The following HIVEP2 variants were observed in gnomAD, a reference collection of about 807,000 sequenced individuals.
HIVEP2 encodes HIVEP zinc finger 2.
HIVEP2 carries 14 observed loss-of-function variants against 180.7 expected under a neutral mutation model. The observed-to-expected ratio is 0.08, with a 90% CI of 0.05 to 0.12. The LOEUF (loss-of-function observed/expected upper bound fraction) is 0.12. Ranked by LOEUF, HIVEP2 falls within the 10% of genes least tolerant of loss-of-function variation. The pLI is 1.00. For missense variants in HIVEP2, 2,579 were observed against 3,008.5 expected (o/e 0.86, Z 3.34); for synonymous variants, 1,184 against 1,136.4 (o/e 1.04, Z -0.84).
chr6:142,773,692 C>T lies in HIVEP2; in HGVS notation c.1047G>A (p.Met349Ile), dbSNP rs1425291390. The T allele has an allele frequency of 6.2e-7, 1 of 1,613,998 alleles. No homozygotes were observed. Among genetic ancestry groups the T allele is most frequent in the Non-Finnish European group, 8.5e-7 (1 of 1,180,024 alleles). Residue 349 changes from methionine to isoleucine, a missense_variant, in exon 5 of 10, where the codon ATG becomes ATA. Physicochemically the swap from Met to Ile is conservative, Grantham distance 10. This residue lies in a region of HIVEP2 where 142 missense variants were observed against 135.2 expected (regional missense o/e 1.05). Transcript: ENST00000367603. ...NESSQYIGPD[M>I]LPNPSLNTKA... The stretch of plus-strand genomic sequence containing the variant: ...TAGTATTTAAAGATGGATTTGGTAG[C>T]ATATCAGGGCCAATATACTGAGAGC...
At chr6:142,825,830 ATTAAT>A (rs1465493509) in intron 2 of HIVEP2, among the ~76,000 whole-genome samples, 1 of 152,220 alleles carries the variant, frequency 6.6e-6, no homozygotes, top group Non-Finnish European at 1.5e-5. Context: ...AATTTAATTA[ATTAAT>A]TTAAGGTGCC....
At position 142,817,463 on chromosome 6, in the gene HIVEP2, A is replaced by G. The variant is rs1776873430; in HGVS notation, c.-528+19472T>C. 2.0e-5 allele frequency among the ~76,000 whole-genome samples: 3 copies of G among 152,368 alleles called. No homozygotes were observed. The South Asian group carries it at 6.2e-4, about 32-fold the overall frequency. On this transcript the variant is annotated intron_variant, in intron 2 of 9. Coordinates refer to ENST00000367603, the MANE Select transcript of HIVEP2 (RefSeq NM_006734.4). ...TTATTTCATTTCAAATAAGCATTGG[A>G]CTATTATTACTAATTTAATAAGCAG...
chr6:142,883,584 A>T (rs1469758810), intron 1 of HIVEP2, among the ~76,000 whole-genome samples: 1 of 152,186 alleles, frequency 6.6e-6, no homozygotes, highest in African/African-American at 2.4e-5. Context: ...GAAGAATTTT[A>T]TAGCTTCTAA....
rs752868494 is a variant in HIVEP2, at chr6:142,774,681, C to A, written c.58G>T (p.Asp20Tyr). 1 of 1,614,196 alleles carries A rather than the reference C, an allele frequency of 6.2e-7. No homozygotes were observed. Among genetic ancestry groups the A allele is most frequent in the Non-Finnish European group, 8.5e-7 (1 of 1,180,014 alleles). The change falls in exon 5 of 10, where the codon GAT (aspartate) becomes TAT (tyrosine). Residue 20 changes from aspartate (D) to tyrosine (Y), a missense_variant. Physicochemically the swap from Asp to Tyr is radical, Grantham distance 160. Around this residue, in one of 11 missense-constraint regions of HIVEP2, gnomAD observed 207 missense variants for 210.1 expected, o/e 0.99. Transcript: ENST00000367603. This position sits in a 1 kb window ranked among gnomAD's most constrained non-coding sequence, Gnocchi z 5.1. ...QKATSRSGET[D>Y]KASGRWRQEQ... The stretch of plus-strand genomic sequence containing the variant: ...TGTCTCCATCTACCTGATGCTTTAT[C>A]AGTTTCTCCAGACCTTGAGGTAGCT...
Position 142,867,003 on chromosome 6 carries a change from G to A in HIVEP2, c.-640-29956C>T, listed in dbSNP as rs147220534. 4.0e-4 allele frequency among the ~76,000 whole-genome samples: 61 copies of A among 152,262 alleles called. No homozygotes were observed. In the East Asian group the frequency reaches 0.01, roughly 25 times the overall value. ...TTGACAAAGGGTAAGGATCCAGAGG[G>A]TTATAAGAAATCTTAGGTAGAGAGG... On this transcript the variant is annotated intron_variant, in intron 1 of 9. Transcript: ENST00000367603.
At chr6:142,872,761 G>C (rs1776324623) in intron 1 of HIVEP2, among the ~76,000 whole-genome samples, 1 of 152,172 alleles carries the variant, frequency 6.6e-6, no homozygotes, top group Non-Finnish European at 1.5e-5. Flanking sequence ...TTCTGTAACA[G>C]AAGTTAGCCC....
chr6:142,935,205 C>T (rs1778023474), intron 1 of HIVEP2, among the ~76,000 whole-genome samples: 1 of 152,212 alleles, frequency 6.6e-6, no homozygotes, highest in East Asian at 1.9e-4. Context: ...CATGGAGGCA[C>T]TTGTTTCCTG....
intron 1 of HIVEP2, among the ~76,000 whole-genome samples, chr6:142,917,531 A>T (rs1243019719): frequency 6.6e-6 from 1 of 152,188 alleles, no homozygotes; most frequent in Non-Finnish European, 1.5e-5. Flanking sequence ...TATAACACAT[A>T]TTTCTAAATG....
Position 142,770,227 on chromosome 6 carries a change from T to C in HIVEP2, c.4512A>G (p.Pro1504=). 1.2e-6 allele frequency: 2 copies of C among 1,614,230 alleles called. No homozygotes were observed. The highest frequency in any genetic ancestry group is 2.2e-5 in the East Asian group (1 of 44,876). Residue 1504 remains proline (P), a synonymous_variant, in exon 5 of 10, where the codon CCA becomes CCG. Transcript: ENST00000367603. The surrounding 1 kb of genome is among the most constrained non-coding windows in gnomAD (Gnocchi z 4.7). ...QLVRQGCASE[P]KDGLQSGSSS... is the part of the protein sequence containing the mutation. The stretch of plus-strand genomic sequence containing the variant: ...ATGACCCTGACTGCAAGCCATCTTT[T>C]GGCTCAGAAGCACATCCTTGTCGAA...
At chr6:142,935,149 C>A (rs1187963176) in intron 1 of HIVEP2, among the ~76,000 whole-genome samples, 1 of 152,196 alleles carries the variant, frequency 6.6e-6, no homozygotes, top group African/African-American at 2.4e-5. Flanking sequence ...GCCTGGGAAG[C>A]CCGCAACTAT....
In HIVEP2 at chr6:142,916,002, C is replaced by T. The variant is rs544086339; in HGVS notation, c.-641+29097G>A. 5.8e-4 allele frequency among the ~76,000 whole-genome samples: 88 copies of T among 152,336 alleles called. No individual in the cohort carries two copies. In the South Asian group the frequency reaches 0.016, roughly 28 times the overall value. On this transcript the variant is annotated intron_variant, in intron 1 of 9. Coordinates refer to ENST00000367603, the MANE Select transcript of HIVEP2 (RefSeq NM_006734.4). The stretch of plus-strand genomic sequence containing the variant: ...GCCTCTGCCCATTCAGGCATGCAGA[C>T]CACACACTTAGGACTCATTCTAGGC...
At chr6:142,832,675 C>T (rs185102343) in intron 2 of HIVEP2, among the ~76,000 whole-genome samples, 1 of 152,218 alleles carries the variant, frequency 6.6e-6, no homozygotes, top group East Asian at 1.9e-4. Context: ...GGGATTTTGT[C>T]CAATATCCAA....
At chr6:142,940,823 G>T (rs1344684695) in intron 1 of HIVEP2, among the ~76,000 whole-genome samples, 1 of 152,194 alleles carries the variant, frequency 6.6e-6, no homozygotes, top group Non-Finnish European at 1.5e-5. Flanking sequence ...AGTCAAAAAG[G>T]TTGGCCCTGG....
chr6:142,820,242 T>G (rs1382215623), intron 2 of HIVEP2, among the ~76,000 whole-genome samples: 2 of 152,128 alleles, frequency 1.3e-5, no homozygotes, highest in African/African-American at 4.8e-5. Flanking sequence ...GAAGCAGCTG[T>G]ACGAAGACTG....
chr6:142,763,492 A>C (rs750636223), intron 7 of HIVEP2, among the ~76,000 whole-genome samples: 7 of 152,312 alleles, frequency 4.6e-5, no homozygotes, highest in Non-Finnish European at 1.0e-4. Flanking sequence ...AGAATAAATT[A>C]TTTCCTTCAG....
chr6:142,918,068 C>G (rs752089875), intron 1 of HIVEP2, among the ~76,000 whole-genome samples: 2 of 152,016 alleles, frequency 1.3e-5, no homozygotes, highest in African/African-American at 4.8e-5. Flanking sequence ...CCATCATGCC[C>G]GGAGCGTCTG....
At chr6:142,820,082 A>G (rs1482151117) in intron 2 of HIVEP2, among the ~76,000 whole-genome samples, 1 of 152,202 alleles carries the variant, frequency 6.6e-6, no homozygotes, top group Non-Finnish European at 1.5e-5. Flanking sequence ...TGTGGGGAAC[A>G]TACATCATAC....
At chr6:142,819,674 GTTTAC>G (rs1477099230) in intron 2 of HIVEP2, among the ~76,000 whole-genome samples, 1 of 152,130 alleles carries the variant, frequency 6.6e-6, no homozygotes, top group East Asian at 1.9e-4. Flanking sequence ...CTTGTTAAGT[GTTTAC>G]TTTAATTCAC....
At chr6:142,803,966 G>T (rs1311112472) in intron 2 of HIVEP2, among the ~76,000 whole-genome samples, 1 of 152,104 alleles carries the variant, frequency 6.6e-6, no homozygotes, top group African/African-American at 2.4e-5. Flanking sequence ...AGCTGAAAGA[G>T]CTCTTAAGCA....
Sources: allele counts gnomAD v4.1 joint callset (sites outside exome capture counted in the v4.1 genomes callset), GRCh38; gene constraint gnomAD v4.1.1; regional missense constraint gnomAD v4.1.1; non-coding constraint Gnocchi (gnomAD v3.1); transcripts MANE v1.5; gene names NCBI Gene and HGNC (gene_info 2026-07-23, HGNC 2026-07-21).